The following ECE1 variants were observed in gnomAD, a reference collection of about 807,000 sequenced individuals.
The protein encoded by ECE1 is endothelin converting enzyme 1, also known as endothelin-converting enzyme 1.
Under a neutral mutation model 98.6 loss-of-function variants are expected in ECE1, and 35 were observed. The ratio of observed to expected loss-of-function variants is 0.35; its 90% CI spans 0.27 to 0.47. The LOEUF is 0.47. Among genes scored for constraint, ECE1 ranks in the 20% least tolerant of loss-of-function variants. ECE1 has a pLI of 1.00. For synonymous variants in ECE1, 394 were observed against 407.1 expected (o/e 0.97, Z 0.39); for missense variants, 814 against 1,025.3 (o/e 0.79, Z 2.81).
intron 2 of ECE1, among the ~76,000 whole-genome samples, chr1:21,281,226 C>CAAAAG (rs1558411011): frequency 1.3e-5 from 2 of 151,650 alleles, no homozygotes; most frequent in African/African-American, 4.8e-5. Context: ...CAAAACAAAA[C>CAAAAG]TGAGCAAAGG....
chr1:21,262,719 A>G (rs1177041962), intron 4 of ECE1, among the ~76,000 whole-genome samples: 1 of 152,140 alleles, frequency 6.6e-6, no homozygotes, highest in South Asian at 2.1e-4. Flanking sequence ...GCAAGCCCCA[A>G]ATTATCACCG....
rs1256111988 is a variant in ECE1 at position 21,327,327 on chromosome 1, GCT to G, written c.3+18047_3+18048del. On this transcript the variant is annotated intron_variant, in intron 1 of 18. Transcript: ENST00000415912. This position sits in a 1 kb window ranked among gnomAD's most constrained non-coding sequence, Gnocchi z 4.6. ...CCGGTGGCTCATGCAACCTTTCTGG[GCT>G]CTGTTTTCTCATTTGTCAAAGCGAC... Among the ~76,000 whole-genome samples, 1 of 152,142 alleles carries G rather than the reference GCT, an allele frequency of 6.6e-6. No homozygotes were observed. Among genetic ancestry groups the G allele is most frequent in the Non-Finnish European group, 1.5e-5 (1 of 68,034 alleles).
intron 14 of ECE1, among the ~76,000 whole-genome samples, chr1:21,232,638 T>C (rs2098183241): frequency 6.6e-6 from 1 of 151,732 alleles, no homozygotes; most frequent in Non-Finnish European, 1.5e-5. Flanking sequence ...CCAGGTCTCA[T>C]TCTAGGTTAT....
In ECE1 at chr1:21,327,705, C is replaced by A. The variant is rs1171633410; in HGVS notation, c.3+17671G>T. Among the ~76,000 whole-genome samples, 1 of 152,204 alleles carries A rather than the reference C, an allele frequency of 6.6e-6. No homozygotes were observed. The highest frequency in any genetic ancestry group is 6.5e-5 in the Admixed American group (1 of 15,278). ...CCTTCAGCTTCACCCTTCCTCTCTACTCCAGCTACACAGCTGGGGTCCCCA... is the reference window on the plus strand; with the variant it reads ...CCTTCAGCTTCACCCTTCCTCTCTAATCCAGCTACACAGCTGGGGTCCCCA... On this transcript the variant is annotated intron_variant, in intron 1 of 18. Coordinates refer to the ECE1 transcript ENST00000415912. This position sits in a 1 kb window ranked among gnomAD's most constrained non-coding sequence, Gnocchi z 4.6.
intron 1 of ECE1, among the ~76,000 whole-genome samples, chr1:21,343,994 G>A (rs1639449939): frequency 6.6e-6 from 1 of 152,154 alleles, no homozygotes; most frequent in African/African-American, 2.4e-5. Flanking sequence ...CGGTCTGGGT[G>A]GGGCATTACA....
At chr1:21,317,247 G>C (rs932962279) in intron 1 of ECE1, among the ~76,000 whole-genome samples, 5 of 152,164 alleles carry the variant, frequency 3.3e-5, no homozygotes, top group African/African-American at 4.8e-5. Context: ...GCTGCCATGC[G>C]ATCCTAGTCT....
chr1:21,227,063 G>T, intron 16 of ECE1, 96 bp downstream of exon 16: 1 of 1,245,982 alleles, frequency 8.0e-7, no homozygotes, highest in South Asian at 1.2e-5. Flanking sequence ...TTGCTATGTT[G>T]CCCAGGCTGG....
chr1:21,239,604 C>A (rs555535794), intron 10 of ECE1, among the ~76,000 whole-genome samples: 2 of 152,290 alleles, frequency 1.3e-5, no homozygotes, highest in South Asian at 4.1e-4. Context: ...CAGACTCAAG[C>A]TGAGCAAAAG....
At chr1:21,283,817 T>G (rs892682960) in intron 2 of ECE1, among the ~76,000 whole-genome samples, 1 of 152,234 alleles carries the variant, frequency 6.6e-6, no homozygotes. Context: ...GAATTAAAAA[T>G]TCATAGTTCC....
chr1:21,237,990 A>G, intron 11 of ECE1, 144 bp downstream of exon 11: 1 of 739,070 alleles, frequency 1.4e-6, no homozygotes, highest in South Asian at 1.5e-5. Context: ...GAGGAAGTGA[A>G]GCCTCTGCAT....
chr1:21,246,498 CA>C (rs368916726), intron 9 of ECE1, among the ~76,000 whole-genome samples: 15,995 of 96,622 alleles, frequency 0.17, 1,111 homozygotes, highest in East Asian at 0.49. Flanking sequence ...GACTCCATCT[CA>C]AAAAAAAAAA....
At chr1:21,335,775 A>G (rs1199467354) in intron 1 of ECE1, among the ~76,000 whole-genome samples, 1 of 152,242 alleles carries the variant, frequency 6.6e-6, no homozygotes, top group Non-Finnish European at 1.5e-5. Flanking sequence ...ACCAAACACC[A>G]GGAGCAAAGG....
At chr1:21,271,878 C>T (rs557222420) in intron 4 of ECE1, among the ~76,000 whole-genome samples, 68 of 151,896 alleles carry the variant, frequency 4.5e-4, no homozygotes, top group Non-Finnish European at 7.1e-4. Flanking sequence ...GGATGATTCC[C>T]GCCTACACTG....
chr1:21,311,632 T>C lies in ECE1; in HGVS notation c.4-21476A>G, dbSNP rs950834472. On this transcript the variant is annotated intron_variant, in intron 1 of 18. Coordinates refer to the ECE1 transcript ENST00000415912. ...GAGTTCAAGATCAGCCTGGGCAACATTGTAAAACCCCAACTCTACAAAAAA... is the reference window on the plus strand; with the variant it reads ...GAGTTCAAGATCAGCCTGGGCAACACTGTAAAACCCCAACTCTACAAAAAA... Among the ~76,000 whole-genome samples the C allele has an allele frequency of 1.0e-4, 15 of 148,944 alleles. No individual in the cohort carries two copies. The East Asian group carries it at 1.4e-3, about 14-fold the overall frequency.
chr1:21,279,150 A>G (rs766360989), intron 3 of ECE1, 41 bp downstream of exon 3: 17 of 1,613,856 alleles, frequency 1.1e-5, no homozygotes, highest in Non-Finnish European at 1.4e-5. Flanking sequence ...AGCCGGGTGC[A>G]GGAGTGAGTC....
intron 2 of ECE1, among the ~76,000 whole-genome samples, chr1:21,287,739 A>G (rs2098262260): frequency 6.6e-6 from 1 of 152,168 alleles, no homozygotes; most frequent in Non-Finnish European, 1.5e-5. Flanking sequence ...CATGTTTCGG[A>G]AGTTTCTGAC....
intron 1 of ECE1, among the ~76,000 whole-genome samples, chr1:21,341,238 GGA>G (rs1225474906): frequency 6.6e-6 from 1 of 152,152 alleles, no homozygotes; most frequent in Non-Finnish European, 1.5e-5. Flanking sequence ...TCAGACTGTG[GGA>G]GAGAGAGACC....
At chr1:21,295,181 C>T (rs1016059273), upstream of ECE1, among the ~76,000 whole-genome samples, 9 of 152,194 alleles carry the variant, frequency 5.9e-5, no homozygotes, top group African/African-American at 1.9e-4. Context: ...GTACCTCCCT[C>T]ATAGGACTGT....
rs2098251302 is a variant in ECE1, at chr1:21,279,186, C to T, written c.280+5G>A. ...AAGCCCACCATGCAACACGAAGGCA[C>T]CTACTTGTCTGGTACTGGATGCCCA... is the stretch of plus-strand genomic sequence containing the variant. On this transcript the variant is annotated splice_donor_5th_base_variant and intron_variant, in intron 3 of 18. Transcript: ENST00000374893. 2 of 1,614,194 alleles carry T rather than the reference C, an allele frequency of 1.2e-6. No homozygotes were observed. The highest frequency in any genetic ancestry group is 1.7e-6 in the Non-Finnish European group (2 of 1,180,034).
Sources: gnomAD v4.1 joint callset for allele counts (sites outside exome capture counted in the v4.1 genomes callset) on GRCh38, gnomAD v4.1.1 for gene constraint, Gnocchi (gnomAD v3.1) non-coding constraint, MANE v1.5 for transcripts, NCBI Gene and HGNC (gene_info 2026-07-23, HGNC 2026-07-21) for gene names.